AGAP6: variants seen among roughly 807,000 people sequenced by gnomAD.
AGAP6 encodes the protein arf-GAP with GTPase, ANK repeat and PH domain-containing protein 6.
AGAP6 carries 29 observed loss-of-function variants against 63.9 expected under a neutral mutation model. The ratio of observed to expected loss-of-function variants is 0.45; its 90% confidence interval spans 0.34 to 0.62. The LOEUF (loss-of-function observed/expected upper bound fraction) is 0.62, where lower values mean the gene tolerates loss of function less well. AGAP6 is among the 20% of genes least tolerant of loss of function. The pLI is 0.01. For synonymous variants in AGAP6, 199 were observed against 332.9 expected, an observed-to-expected ratio of 0.60 and a Z score of 4.38; for missense variants, 493 against 884.9, an observed-to-expected ratio of 0.56 and a Z score of 5.62.
At chr10:49,992,235 T>C (rs1233698467) in intron 3 of AGAP6, among the ~76,000 whole-genome samples, 4 of 152,032 alleles carry the variant, frequency 2.6e-5, no homozygotes, top group Admixed American at 1.3e-4. Flanking sequence ...ATTTACCACA[T>C]CCAAGTTCAT....
chr10:50,008,668 A>T, intron 7 of AGAP6, 43 bp from the exon 8 acceptor site: 1 of 1,613,998 alleles, frequency 6.2e-7, no homozygotes. Flanking sequence ...CCTGCAAGCC[A>T]CTACCCAATT....
intron 6 of AGAP6, among the ~76,000 whole-genome samples, chr10:50,006,205 TATTG>T (rs1454906847): frequency 8.5e-5 from 13 of 152,242 alleles, no homozygotes; most frequent in South Asian, 2.1e-4. Flanking sequence ...GTTTATGTTT[TATTG>T]TGTCAAAAAT....
chr10:49,990,534 CAATT>C (rs1238719166), intron 2 of AGAP6, among the ~76,000 whole-genome samples: 6 of 152,218 alleles, frequency 3.9e-5, no homozygotes, highest in African/African-American at 1.4e-4. Context: ...AAAGAGAAAA[CAATT>C]AGTTCGTTTG....
rs1340511044 is a variant in AGAP6 at position 50,001,157 on chromosome 10, C to T, written c.397-839C>T. ...CATCCTGGCTAACACGGTGAAACCC[C>T]GTCTCTACTAAAAATACAAAAAGTT... On this transcript the variant is annotated intron_variant, in intron 4 of 7. Transcript: ENST00000412531. Among the ~76,000 whole-genome samples, 4 of 148,790 alleles carry T rather than the reference C, an allele frequency of 2.7e-5. No homozygotes were observed. The East Asian group carries it at 6.3e-4, about 23-fold the overall frequency.
At chr10:49,990,543 C>G (rs1456296230) in intron 2 of AGAP6, among the ~76,000 whole-genome samples, 3 of 152,268 alleles carry the variant, frequency 2.0e-5, no homozygotes, top group Admixed American at 6.5e-5. Flanking sequence ...ACAATTAGTT[C>G]GTTTGCCTCA....
intron 4 of AGAP6, 79 bp downstream of exon 4, chr10:49,994,508 T>C (rs4043242): frequency 0.44 from 630,998 of 1,428,368 alleles, 87,780 homozygotes; most frequent in East Asian, 0.55. Flanking sequence ...TAAATTACAA[T>C]GTGGACCTGG....
chr10:50,007,745 G>A (rs1554864154), intron 6 of AGAP6, among the ~76,000 whole-genome samples: 1 of 151,766 alleles, frequency 6.6e-6, no homozygotes, highest in Non-Finnish European at 1.5e-5. Flanking sequence ...TTAGAAGAGT[G>A]AAAATATGTT....
At chr10:49,996,948 C>T (rs1398539663) in intron 4 of AGAP6, among the ~76,000 whole-genome samples, 2 of 146,352 alleles carry the variant, frequency 1.4e-5, no homozygotes, top group African/African-American at 5.1e-5. Context: ...TCTCTGTCAA[C>T]CTTCTGTGCT....
At chr10:50,001,895 C>T in intron 4 of AGAP6, 101 bp from the exon 5 acceptor site, 4 of 1,209,892 alleles carry the variant, frequency 3.3e-6, no homozygotes, top group East Asian at 4.7e-5. Context: ...TCAGGCAGTT[C>T]ATGGAGTGTA....
chr10:49,995,754 TG>T, intron 4 of AGAP6, among the ~76,000 whole-genome samples: 1 of 152,356 alleles, frequency 6.6e-6, no homozygotes, highest in South Asian at 2.1e-4. Context: ...CACATTTTCC[TG>T]GGTGGAGATG....
intron 6 of AGAP6, among the ~76,000 whole-genome samples, chr10:50,005,010 C>T (rs1447803061): frequency 6.6e-6 from 1 of 152,184 alleles, no homozygotes; most frequent in Non-Finnish European, 1.5e-5. Context: ...AGCCTTACCA[C>T]TGTTGATATT....
intron 5 of AGAP6, among the ~76,000 whole-genome samples, chr10:50,004,280 TG>T (rs1352639318): frequency 2.0e-5 from 3 of 146,508 alleles, no homozygotes; most frequent in Non-Finnish European, 4.5e-5. Flanking sequence ...CGCTTGAACC[TG>T]GGTGGTGGAG....
At chr10:49,994,305 T>C in intron 3 of AGAP6, 90 bp from the exon 4 acceptor site, 1 of 1,329,128 alleles carries the variant, frequency 7.5e-7, no homozygotes, top group Non-Finnish European at 1.0e-6. Flanking sequence ...TGTCTCATTT[T>C]ACGTAGGAGT....
At chr10:49,996,366 A>G (rs1554861935) in intron 4 of AGAP6, among the ~76,000 whole-genome samples, 2 of 152,034 alleles carry the variant, frequency 1.3e-5, no homozygotes, top group African/African-American at 4.8e-5. Flanking sequence ...TTTATTTGGA[A>G]GCAGGATTTC....
intron 4 of AGAP6, among the ~76,000 whole-genome samples, chr10:50,000,225 T>G (rs1357617803): frequency 2.7e-4 from 12 of 44,460 alleles, no homozygotes; most frequent in African/African-American, 9.3e-4. Context: ...GTGACTACCT[T>G]AAATAATACC....
chr10:49,994,982 A>T (rs1285758554), intron 4 of AGAP6, among the ~76,000 whole-genome samples: 1 of 151,048 alleles, frequency 6.6e-6, no homozygotes, highest in Admixed American at 6.6e-5. Flanking sequence ...AAAAAAAAAA[A>T]AGTGCCTGAA....
intron 6 of AGAP6, 91 bp from the exon 7 acceptor site, chr10:50,007,934 A>G: frequency 6.2e-7 from 1 of 1,605,828 alleles, no homozygotes; most frequent in Non-Finnish European, 8.5e-7. Flanking sequence ...TAAAGTAAAC[A>G]CCAAAGCACA....
At chr10:49,990,636 A>G (rs1841233665) in intron 2 of AGAP6, among the ~76,000 whole-genome samples, 1 of 152,162 alleles carries the variant, frequency 6.6e-6, no homozygotes, top group African/African-American at 2.4e-5. Flanking sequence ...AATTTTCAAA[A>G]TAGAAAACAT....
chr10:50,009,796 G>C lies in AGAP6; in HGVS notation c.1671G>C (p.Lys557Asn), dbSNP rs1161433767. ...AGGGGCAGACAAAACCCTCAGAAAA[G>C]TCCACGAGGGAAGAGAAGGAACGGT... The part of the protein sequence containing the change: ...SSQGQTKPSE[K>N]STREEKERWI... Residue 557 changes from lysine (K) to asparagine (N), a missense_variant, in exon 8 of 8, where the codon AAG becomes AAC. Coordinates refer to ENST00000412531, the MANE Select transcript of AGAP6 (RefSeq NM_001077665.3). 3 of 1,613,650 alleles carry C rather than the reference G, an allele frequency of 1.9e-6. No individual in the cohort carries two copies. Among genetic ancestry groups the C allele is most frequent in the Non-Finnish European group, 2.5e-6 (3 of 1,179,962 alleles).
Sources: gnomAD v4.1 joint callset for allele counts (sites outside exome capture counted in the v4.1 genomes callset) on GRCh38, gnomAD v4.1.1 for gene constraint, MANE v1.5 for transcripts, NCBI Gene and HGNC (gene_info 2026-07-23, HGNC 2026-07-21) for gene names.